The following SLC24A3 variants were observed in gnomAD, a reference collection of about 807,000 sequenced individuals.
SLC24A3 encodes the protein sodium/potassium/calcium exchanger 3.
SLC24A3 carries 28 observed loss-of-function variants against 75.8 expected under a neutral mutation model. That is an observed-to-expected ratio of 0.37 (90% CI 0.27 to 0.51). The LOEUF (loss-of-function observed/expected upper bound fraction) is 0.51. Among genes scored for constraint, SLC24A3 ranks in the 20% least tolerant of loss-of-function variants. SLC24A3 has a pLI of 0.94. For missense variants in SLC24A3, 663 were observed against 847.8 expected, an observed-to-expected ratio of 0.78 and a Z score of 2.71; for synonymous variants, 372 against 334.1, an observed-to-expected ratio of 1.11 and a Z score of -1.24.
intron 9 of SLC24A3, among the ~76,000 whole-genome samples, chr20:19,677,675 CTTTTTTTTTTCTTT>C (rs1296121540): frequency 1.6e-3 from 157 of 95,622 alleles, no homozygotes; most frequent in African/African-American, 5.7e-3. Flanking sequence ...TTTTAGGATT[CTTTTTTTTTTCTTT>C]TTTTTTTTTT....
chr20:19,389,711 A>T (rs966152613), intron 2 of SLC24A3, among the ~76,000 whole-genome samples: 5 of 152,202 alleles, frequency 3.3e-5, no homozygotes, highest in South Asian at 2.1e-4. Flanking sequence ...CTCAATGAAG[A>T]TCTCTTTATC....
intron 1 of SLC24A3, among the ~76,000 whole-genome samples, chr20:19,235,295 C>T (rs2122154076): frequency 6.6e-6 from 1 of 152,308 alleles, no homozygotes; most frequent in South Asian, 2.1e-4. Flanking sequence ...CTACCTAGTG[C>T]AGAAGTAAGG....
intron 2 of SLC24A3, among the ~76,000 whole-genome samples, chr20:19,402,340 A>C (rs1003512446): frequency 2.0e-5 from 3 of 152,282 alleles, no homozygotes; most frequent in Non-Finnish European, 4.4e-5. Context: ...CAGGAATGTG[A>C]GTGAAGGATG....
rs531016259 is a variant in SLC24A3, at chr20:19,578,078, G to A, written c.349-1922G>A. Reference sequence around the variant, plus strand: ...GGGCTACGTTAGTGCAACTGCTAAGGGTCAAAGGCAACAGAGATCATTTCA... The same window carrying A: ...GGGCTACGTTAGTGCAACTGCTAAGAGTCAAAGGCAACAGAGATCATTTCA... On this transcript the variant is annotated intron_variant, in intron 3 of 16. Coordinates refer to ENST00000328041, the MANE Select transcript of SLC24A3 (RefSeq NM_020689.4). Among the ~76,000 whole-genome samples the A allele has an allele frequency of 6.6e-5, 10 of 152,276 alleles. No homozygotes were observed. The South Asian group carries it at 2.1e-3, about 32-fold the overall frequency.
At chr20:19,567,969 G>A (rs1032182809) in intron 3 of SLC24A3, among the ~76,000 whole-genome samples, 1 of 151,822 alleles carries the variant, frequency 6.6e-6, no homozygotes, top group Non-Finnish European at 1.5e-5. Flanking sequence ...CAAAATGGGC[G>A]AAGGACTTGA....
At chr20:19,459,387 C>T (rs188876882) in intron 2 of SLC24A3, among the ~76,000 whole-genome samples, 36 of 152,260 alleles carry the variant, frequency 2.4e-4, no homozygotes, top group Admixed American at 3.3e-4. Flanking sequence ...ATGTGGATGG[C>T]CCGTGGTCTC....
intron 1 of SLC24A3, among the ~76,000 whole-genome samples, chr20:19,222,173 C>A (rs567817856): frequency 1.8e-4 from 28 of 152,116 alleles, no homozygotes; most frequent in Non-Finnish European, 3.4e-4. Flanking sequence ...TAGTAGCATC[C>A]TGTTCCGCTT....
At chr20:19,325,795 T>TATATAGAGAGAGAGAG (rs1251419875) in intron 2 of SLC24A3, among the ~76,000 whole-genome samples, 2 of 67,782 alleles carry the variant, frequency 3.0e-5, no homozygotes, top group African/African-American at 5.5e-5. Context: ...TATATATATA[T>TATATAGAGAGAGAGAG]AGAGAGAGAG....
Position 19,692,633 on chromosome 20 carries a change from A to G in SLC24A3, c.1325-626A>G, listed in dbSNP as rs60169647. 5.7e-3 allele frequency among the ~76,000 whole-genome samples: 874 copies of G among 152,302 alleles called. 7 individuals are homozygous for G. The highest frequency in any genetic ancestry group is 0.02 in the African/African-American group (828 of 41,568). ...AGCAAACTTTCTGGAAGGTAGAGGC[A>G]CTGTGTATCTGGATTGCATTGAGGA... On this transcript the variant is annotated intron_variant, in intron 12 of 16. Coordinates refer to ENST00000328041, the MANE Select transcript of SLC24A3 (RefSeq NM_020689.4).
At chr20:19,580,199 A>G (rs1315138348) in intron 4 of SLC24A3, 125 bp downstream of exon 4, 3 of 702,912 alleles carry the variant, frequency 4.3e-6, no homozygotes, top group Non-Finnish European at 7.3e-6. Flanking sequence ...CGGGAACACC[A>G]GGCATCACCA....
At chr20:19,627,679 T>C (rs1031643361) in intron 6 of SLC24A3, among the ~76,000 whole-genome samples, 1 of 152,186 alleles carries the variant, frequency 6.6e-6, no homozygotes, top group Non-Finnish European at 1.5e-5. Context: ...ATTATTTTAA[T>C]TGTTCCACTA....
intron 2 of SLC24A3, among the ~76,000 whole-genome samples, chr20:19,455,325 C>A (rs1048685747): frequency 1.3e-5 from 2 of 152,190 alleles, no homozygotes; most frequent in Non-Finnish European, 2.9e-5. Context: ...TTCTTATCAT[C>A]ACTATTAGGT....
intron 2 of SLC24A3, among the ~76,000 whole-genome samples, chr20:19,424,242 A>C (rs1014472690): frequency 4.6e-5 from 7 of 152,072 alleles, no homozygotes; most frequent in African/African-American, 1.7e-4. Context: ...AAACGTACAA[A>C]TCTACAGAAA....
chr20:19,608,981 G>A (rs968524288), intron 6 of SLC24A3, among the ~76,000 whole-genome samples: 5 of 152,192 alleles, frequency 3.3e-5, no homozygotes, highest in African/African-American at 1.2e-4. Context: ...GTTTCATGAG[G>A]CAGACGTGTT....
intron 2 of SLC24A3, among the ~76,000 whole-genome samples, chr20:19,411,777 G>A (rs1297390639): frequency 6.6e-6 from 1 of 152,208 alleles, no homozygotes; most frequent in Non-Finnish European, 1.5e-5. Context: ...AGCAACCTCT[G>A]ACGCGTTGAT....
chr20:19,343,175 G>A (rs1012233494), intron 2 of SLC24A3, among the ~76,000 whole-genome samples: 6 of 152,060 alleles, frequency 3.9e-5, no homozygotes, highest in Non-Finnish European at 8.8e-5. Context: ...AAATCCCATA[G>A]TTTGTTCTGG....
chr20:19,268,654 A>C (rs1311149407), intron 1 of SLC24A3, among the ~76,000 whole-genome samples: 1 of 152,206 alleles, frequency 6.6e-6, no homozygotes, highest in Non-Finnish European at 1.5e-5. Context: ...TCATAAGTCC[A>C]TGTATCTTCC....
In SLC24A3 at chr20:19,512,059, G is replaced by C. The variant is rs147553570; in HGVS notation, c.272-3429G>C. On this transcript the variant is annotated intron_variant, in intron 2 of 16. Coordinates refer to ENST00000328041, the MANE Select transcript of SLC24A3 (RefSeq NM_020689.4). ...CGCTCCATTCACAAGCTGTGCTGCT[G>C]ACTGTGCCAGATTGGAGGCTCTCAT... is the stretch of plus-strand genomic sequence containing the variant. Among the ~76,000 whole-genome samples, 323 of 152,350 alleles carry C rather than the reference G, an allele frequency of 2.1e-3. 2 individuals carry two copies. Among genetic ancestry groups the C allele is most frequent in the African/African-American group, 7.4e-3 (308 of 41,586 alleles).
chr20:19,447,036 A>G (rs1987399044), intron 2 of SLC24A3, among the ~76,000 whole-genome samples: 1 of 152,188 alleles, frequency 6.6e-6, no homozygotes, highest in Admixed American at 6.5e-5. Flanking sequence ...TGGAGCAATG[A>G]GCAGAAAGTA....
Sources: gnomAD v4.1 joint callset for allele counts (sites outside exome capture counted in the v4.1 genomes callset) on GRCh38, gnomAD v4.1.1 for gene constraint, MANE v1.5 for transcripts, NCBI Gene and HGNC (gene_info 2026-07-23, HGNC 2026-07-21) for gene names.